LTF: variants seen among roughly 807,000 people sequenced by gnomAD.
LTF encodes the protein lactotransferrin.
LTF carries 91 observed loss-of-function variants against 87.2 expected under a neutral mutation model. That is an observed-to-expected ratio of 1.04 (90% confidence interval 0.88 to 1.24). The LOEUF (loss-of-function observed/expected upper bound fraction) is 1.24. Ranked by LOEUF, LTF falls within the 50% of genes most tolerant of loss-of-function variation. The pLI, the probability that LTF is intolerant of heterozygous loss-of-function variation, is 0.00. For missense variants in LTF, 901 were observed against 904.3 expected (o/e 1.00, Z 0.05); for synonymous variants, 378 against 356.1 (o/e 1.06, Z -0.69).
At chr3:46,479,452 G>A (rs1703404197) in intron 1 of LTF, among the ~76,000 whole-genome samples, 1 of 152,254 alleles carries the variant, frequency 6.6e-6, no homozygotes, top group Non-Finnish European at 1.5e-5. Context: ...GTGGGGAGCA[G>A]AGAGATGATT....
intron 14 of LTF, among the ~76,000 whole-genome samples, chr3:46,440,105 C>G (rs1343185797): frequency 6.6e-6 from 1 of 152,198 alleles, no homozygotes; most frequent in Non-Finnish European, 1.5e-5. Context: ...GATGGCTGCA[C>G]AACTCTGTGA....
intron 8 of LTF, 134 bp from the exon 9 acceptor site, chr3:46,449,151 T>TC: frequency 1.4e-6 from 1 of 725,290 alleles, no homozygotes; most frequent in Non-Finnish European, 2.1e-6. Context: ...TGTGGACCCA[T>TC]ACCCTCTCCT....
intron 1 of LTF, among the ~76,000 whole-genome samples, chr3:46,475,705 T>C (rs891815091): frequency 6.6e-6 from 1 of 152,114 alleles, no homozygotes; most frequent in Admixed American, 6.6e-5. Flanking sequence ...CTTTTTTAAG[T>C]TAAAAAAAAC....
In LTF at chr3:46,450,544, C is replaced by G; in HGVS notation, c.833G>C (p.Ser278Thr). ...GATGGCATCCTCCTTGCCATTCACA[C>G]TTCGTGCCACAACGGCATGAGAAGG... ...RVPSHAVVAR[S>T]VNGKEDAIWN... is the part of the protein sequence containing the mutation. Residue 278 changes from serine (S) to threonine (T), a missense_variant, in exon 7 of 17, where the codon AGT becomes ACT. Coordinates refer to ENST00000231751, the MANE Select transcript of LTF (RefSeq NM_002343.6). 1 of 1,614,114 alleles carries G rather than the reference C, an allele frequency of 6.2e-7. No individual in the cohort carries two copies.
intron 1 of LTF, among the ~76,000 whole-genome samples, chr3:46,477,631 A>C (rs2106925311): frequency 6.6e-6 from 1 of 152,372 alleles, no homozygotes; most frequent in East Asian, 1.9e-4. Flanking sequence ...TTAATGAAGT[A>C]ACTTATAAAG....
chr3:46,449,820 A>T, intron 8 of LTF, 34 bp downstream of exon 8: 1 of 1,612,330 alleles, frequency 6.2e-7, no homozygotes, highest in Non-Finnish European at 8.5e-7. Context: ...AGACCACACC[A>T]GGCGGACCTC....
chr3:46,445,791 A>G (rs1367194749), intron 11 of LTF, among the ~76,000 whole-genome samples: 1 of 152,242 alleles, frequency 6.6e-6, no homozygotes, highest in East Asian at 1.9e-4. Flanking sequence ...CCAACAGTGC[A>G]TAAATCACCA....
At chr3:46,480,197 C>A (rs923460800) in intron 1 of LTF, among the ~76,000 whole-genome samples, 7 of 152,174 alleles carry the variant, frequency 4.6e-5, no homozygotes, top group Admixed American at 2.0e-4. Flanking sequence ...AGGCCTTGAA[C>A]TTTATTTAAA....
intron 2 of LTF, 152 bp from the exon 3 acceptor site, chr3:46,456,550 G>GA (rs1439987431): frequency 3.3e-6 from 2 of 610,278 alleles, no homozygotes; most frequent in African/African-American, 3.7e-5. Context: ...GAGAGATGGT[G>GA]AGAGCCAAGG....
intron 6 of LTF, among the ~76,000 whole-genome samples, chr3:46,452,394 C>G (rs113743406): frequency 0.015 from 2,324 of 152,224 alleles, 56 homozygotes; most frequent in African/African-American, 0.052. Context: ...TTAGCATCAC[C>G]ATGGACTGGA....
intron 12 of LTF, 122 bp downstream of exon 12, chr3:46,445,158 TG>T: frequency 9.7e-7 from 1 of 1,029,396 alleles, no homozygotes; most frequent in African/African-American, 1.6e-5. Context: ...TTCCTTATGC[TG>T]GAAGAGGCCT....
At chr3:46,461,762 G>A (rs567365001) in intron 1 of LTF, among the ~76,000 whole-genome samples, 34 of 114,102 alleles carry the variant, frequency 3.0e-4, no homozygotes, top group African/African-American at 1.7e-3. Context: ...TACGCAAATA[G>A]GTGATTTTTT....
rs752870052 is a variant in LTF, at chr3:46,456,345, G to C, written c.261C>G (p.Gly87=). The change falls in exon 3 of 17, where the codon GGC becomes GGG. Residue 87 remains glycine (G), a synonymous_variant. Coordinates refer to ENST00000231751, the MANE Select transcript of LTF (RefSeq NM_002343.6). ...TLDGGFIYEA[G]LAPYKLRPVA... ...CAGGTCGCAGTTTGTAGGGGGCCAG[G>C]CCTGCCTCGTATATGAAACCACCAT... 1 of 1,614,152 alleles carries C rather than the reference G, an allele frequency of 6.2e-7. No individual in the cohort carries two copies. Among genetic ancestry groups the C allele is most frequent in the Admixed American group, 1.7e-5 (1 of 60,020 alleles).
At chr3:46,455,045 G>A (rs868204044) in intron 5 of LTF, among the ~76,000 whole-genome samples, 6 of 152,210 alleles carry the variant, frequency 3.9e-5, no homozygotes, top group African/African-American at 1.4e-4. Flanking sequence ...TGAGGTAACA[G>A]GAGGGCCCAC....
chr3:46,477,280 G>C (rs992415067), intron 1 of LTF, among the ~76,000 whole-genome samples: 1 of 152,216 alleles, frequency 6.6e-6, no homozygotes, highest in South Asian at 2.1e-4. Flanking sequence ...ATTCTTCAGA[G>C]TCACCATTTC....
intron 1 of LTF, among the ~76,000 whole-genome samples, chr3:46,476,825 A>C (rs1437302431): frequency 6.6e-6 from 1 of 152,216 alleles, no homozygotes; most frequent in Non-Finnish European, 1.5e-5. Flanking sequence ...TCTGTTTAAA[A>C]TTTTGTTTAT....
intron 1 of LTF, among the ~76,000 whole-genome samples, chr3:46,474,792 A>T (rs556505138): frequency 2.6e-5 from 4 of 152,230 alleles, no homozygotes; most frequent in Non-Finnish European, 5.9e-5. Flanking sequence ...ATCACTAGCA[A>T]AAAGATAGCA....
intron 1 of LTF, among the ~76,000 whole-genome samples, chr3:46,483,126 C>A (rs891348251): frequency 1.3e-5 from 2 of 152,094 alleles, no homozygotes; most frequent in Non-Finnish European, 2.9e-5. Flanking sequence ...TCCCACCATA[C>A]AGATACAATA....
intron 12 of LTF, among the ~76,000 whole-genome samples, chr3:46,444,785 G>A (rs1487237979): frequency 6.6e-6 from 1 of 152,184 alleles, no homozygotes; most frequent in Non-Finnish European, 1.5e-5. Flanking sequence ...GATGAGTGTG[G>A]GGTGTGGTGG....
Sources: gnomAD v4.1 joint callset for allele counts (sites outside exome capture counted in the v4.1 genomes callset) on GRCh38, gnomAD v4.1.1 for gene constraint, MANE v1.5 for transcripts, NCBI Gene and HGNC (gene_info 2026-07-23, HGNC 2026-07-21) for gene names.